The following HIPK1 variants were observed in gnomAD, a reference collection of about 807,000 sequenced individuals.
HIPK1 encodes the protein homeodomain interacting protein kinase 1, also known as homeodomain-interacting protein kinase 1.
In HIPK1, 28 loss-of-function variants were observed where a neutral mutation model predicts 117.1. The observed-to-expected ratio is 0.24, with a 90% CI of 0.18 to 0.33. HIPK1 has a LOEUF of 0.33. Ranked by LOEUF, HIPK1 falls within the 10% of genes least tolerant of loss-of-function variation. The probability of loss-of-function intolerance (pLI) is 1.00; values close to 1 mark genes in which losing one functional copy is unlikely to be tolerated. For missense variants in HIPK1, 1,122 were observed against 1,475.1 expected (o/e 0.76, Z 3.92); for synonymous variants, 605 against 562.5 (o/e 1.08, Z -1.07).
chr1:113,934,200 A>T (rs1271231547), intron 1 of HIPK1, among the ~76,000 whole-genome samples: 2 of 152,230 alleles, frequency 1.3e-5, no homozygotes, highest in East Asian at 3.8e-4. Flanking sequence ...GGCAAAGATA[A>T]CATTGAGCAA....
chr1:113,939,814 TG>T (rs1321317637), intron 1 of HIPK1, among the ~76,000 whole-genome samples: 1 of 152,072 alleles, frequency 6.6e-6, no homozygotes, highest in Non-Finnish European at 1.5e-5. Flanking sequence ...GTTTAATCTG[TG>T]GGCTTATTGA....
In HIPK1 at chr1:113,972,225, C is replaced by T. The variant is rs571772158; in HGVS notation, c.3144+271C>T. Among the ~76,000 whole-genome samples, 12 of 152,274 alleles carry T rather than the reference C, an allele frequency of 7.9e-5. No individual in the cohort carries two copies. In the South Asian group the frequency reaches 2.5e-3, roughly 32 times the overall value. On this transcript the variant is annotated intron_variant, in intron 15 of 15. Transcript: ENST00000426820. ...GAAACGTCTGGGATTTAGAAAGAGCCTGGGGTGCTTTAACCATGTCTGTGA... is the reference window on the plus strand; with the variant it reads ...GAAACGTCTGGGATTTAGAAAGAGCTTGGGGTGCTTTAACCATGTCTGTGA...
intron 7 of HIPK1, among the ~76,000 whole-genome samples, chr1:113,957,738 G>T (rs1008349136): frequency 1.3e-5 from 2 of 152,116 alleles, no homozygotes. Context: ...CAGTTTCTTG[G>T]CTGGGTCTAC....
intron 15 of HIPK1, among the ~76,000 whole-genome samples, chr1:113,972,415 C>T (rs1672898522): frequency 6.6e-6 from 1 of 152,134 alleles, no homozygotes; most frequent in Non-Finnish European, 1.5e-5. Flanking sequence ...TGGGACTTCC[C>T]CACTCTCCGA....
At position 113,958,220 on chromosome 1, in the gene HIPK1, G is replaced by C; in HGVS notation, c.1910G>C (p.Gly637Ala). The C allele has an allele frequency of 6.2e-7, 1 of 1,614,044 alleles. No homozygotes were observed. Among genetic ancestry groups the C allele is most frequent in the South Asian group, 1.1e-5 (1 of 91,078 alleles). Residue 637 changes from glycine to alanine, a missense_variant, in exon 8 of 16, where the codon GGA becomes GCA. Gly to Ala is a moderately conservative substitution (Grantham distance 60). This residue lies in a region of HIPK1 where 731 missense variants were observed against 860.4 expected (regional missense o/e 0.85). Transcript: ENST00000426820. ...VAQQGVSLQPGTTQICTQTDP... is the reference protein window; with the variant it reads ...VAQQGVSLQPATTQICTQTDP... ...CAGCAGGGTGTTTCCTTGCAGCCTG[G>C]AACCACCCAGATTTGCACTCAGACA... is the stretch of plus-strand genomic sequence containing the variant.
At chr1:113,961,531 G>C (rs1395348126) in intron 8 of HIPK1, among the ~76,000 whole-genome samples, 1 of 152,182 alleles carries the variant, frequency 6.6e-6, no homozygotes, top group East Asian at 1.9e-4. Flanking sequence ...AGGTAACTTA[G>C]ATTATAAATT....
At chr1:113,929,964 T>A in intron 1 of HIPK1, 1 of 983,192 alleles carries the variant, frequency 1.0e-6, no homozygotes, top group Non-Finnish European at 1.2e-6. Context: ...GCAGGAGGGG[T>A]CCTCGGCGGG....
intron 9 of HIPK1, among the ~76,000 whole-genome samples, chr1:113,963,159 G>C (rs921495889): frequency 1.3e-5 from 2 of 152,156 alleles, no homozygotes; most frequent in Admixed American, 6.5e-5. Context: ...CCTGAATCTA[G>C]CCCAAGGAGG....
chr1:113,963,760 G>A (rs752445142), intron 10 of HIPK1, among the ~76,000 whole-genome samples: 2 of 152,036 alleles, frequency 1.3e-5, no homozygotes, highest in African/African-American at 4.8e-5. Context: ...CTGACTGATG[G>A]TTATGTGGCT....
chr1:113,955,788 C>T, intron 5 of HIPK1, 139 bp downstream of exon 5: 1 of 532,100 alleles, frequency 1.9e-6, no homozygotes, highest in Non-Finnish European at 3.4e-6. Flanking sequence ...AATATTCCAC[C>T]ATGTAGTAAA....
intron 10 of HIPK1, among the ~76,000 whole-genome samples, chr1:113,965,707 T>A (rs948220000): frequency 6.6e-6 from 1 of 152,198 alleles, no homozygotes; most frequent in South Asian, 2.1e-4. Flanking sequence ...ATCTGATACC[T>A]TATCTGATTG....
rs1673091051 is a variant in HIPK1 at position 113,975,404 on chromosome 1, C to G, written c.*1892C>G. 6.5e-6 allele frequency: 1 copy of G among 152,792 alleles called. No homozygotes were observed. Among genetic ancestry groups the G allele is most frequent in the Admixed American group, 6.5e-5 (1 of 15,286 alleles). 9.5% of individuals were successfully genotyped at this position (152,792 alleles called of 1,614,324 possible). A position where few individuals can be genotyped will look rare whatever the true frequency, so the allele number is the denominator to read the frequency against. ...AGAAGCATTTTCCCCATGTGGCTCT[C>G]TCACTGTGCGTTGCTACCTTGCTTC... On this transcript the variant is annotated 3_prime_UTR_variant, in exon 16 of 16. Transcript: ENST00000426820.
rs191621469 is a variant in HIPK1, at chr1:113,936,807, T to C, written c.-2-3575T>C. On this transcript the variant is annotated intron_variant, in intron 1 of 15. Coordinates refer to ENST00000426820, the MANE Select transcript of HIPK1 (RefSeq NM_198268.3). ...GACCCCCCTATTCCTAGACAGTTGCTACAAACTGCAAATTTTCTATTTAGA... is the reference window on the plus strand; with the variant it reads ...GACCCCCCTATTCCTAGACAGTTGCCACAAACTGCAAATTTTCTATTTAGA... 5.7e-3 allele frequency among the ~76,000 whole-genome samples: 865 copies of C among 152,352 alleles called. 5 individuals carry two copies. Among genetic ancestry groups the C allele is most frequent in the Middle Eastern group, 0.027 (8 of 294 alleles).
rs114365857 is a variant in HIPK1 at position 113,971,565 on chromosome 1, C to T, written c.3014-259C>T. Reference sequence around the variant, plus strand: ...GTCTTAGCATATTTGTATTTCCAGTCGTTCCTTGTATATAACAAGAGATTA... The same window carrying T: ...GTCTTAGCATATTTGTATTTCCAGTTGTTCCTTGTATATAACAAGAGATTA... On this transcript the variant is annotated intron_variant, in intron 14 of 15. Coordinates refer to ENST00000426820, the MANE Select transcript of HIPK1 (RefSeq NM_198268.3). Among the ~76,000 whole-genome samples, 1,298 of 152,188 alleles carry T rather than the reference C, an allele frequency of 8.5e-3. 19 individuals are homozygous for T. The highest frequency in any genetic ancestry group is 0.029 in the African/African-American group (1,210 of 41,496).
rs1673194118 is a variant in HIPK1, at chr1:113,977,432, T to C, written c.*3920T>C. On this transcript the variant is annotated 3_prime_UTR_variant, in exon 16 of 16. Coordinates refer to ENST00000426820, the MANE Select transcript of HIPK1 (RefSeq NM_198268.3). ...TATTGCAATGGAATTCCTACTTTAT[T>C]AAATGTATTTGATATGCTAGTTATT... 6.5e-6 allele frequency: 1 copy of C among 152,796 alleles called. No individual in the cohort carries two copies. 9.5% of individuals were successfully genotyped at this position (152,796 alleles called of 1,614,324 possible).
At position 113,932,733 on chromosome 1, in the gene HIPK1, C is replaced by T. The variant is rs528225492; in HGVS notation, c.-3+3201C>T. On this transcript the variant is annotated intron_variant, in intron 1 of 15. Transcript: ENST00000426820. Reference sequence around the variant, plus strand: ...GGGGGTTTTAGAATCTTTAAGGTCCCTTTTATCTGTAAGAGTTCCAGTACT... The same window carrying T: ...GGGGGTTTTAGAATCTTTAAGGTCCTTTTTATCTGTAAGAGTTCCAGTACT... 4.6e-5 allele frequency among the ~76,000 whole-genome samples: 7 copies of T among 152,206 alleles called. No homozygotes were observed. The South Asian group carries it at 6.2e-4, about 14-fold the overall frequency.
At chr1:113,972,674 T>G (rs141580724) in intron 15 of HIPK1, among the ~76,000 whole-genome samples, 106 of 152,274 alleles carry the variant, frequency 7.0e-4, no homozygotes, top group African/African-American at 2.4e-3. Flanking sequence ...AAAGCAATGG[T>G]AAGAAATAAA....
At position 113,954,603 on chromosome 1, in the gene HIPK1, AT is replaced by A. The variant is rs1286042155; in HGVS notation, c.1201-45del. ...TGTTTTAGTGTAAAAGCCTTTAATAATTTCCCTTTTCACTCCAAATAGTTGT... is the reference window on the plus strand; with the variant it reads ...TGTTTTAGTGTAAAAGCCTTTAATAATTCCCTTTTCACTCCAAATAGTTGT... On this transcript the variant is annotated intron_variant, in intron 3 of 15. Coordinates refer to ENST00000426820, the MANE Select transcript of HIPK1 (RefSeq NM_198268.3). The A allele has an allele frequency of 1.9e-6, 3 of 1,602,416 alleles. No individual in the cohort carries two copies. The South Asian group carries it at 3.3e-5, about 18-fold the overall frequency.
intron 13 of HIPK1, among the ~76,000 whole-genome samples, chr1:113,969,311 T>G (rs1331759502): frequency 6.6e-6 from 1 of 152,186 alleles, no homozygotes; most frequent in African/African-American, 2.4e-5. Context: ...AGGTGTGGAC[T>G]CTGAAGTCAT....
Sources: gnomAD v4.1 joint callset for allele counts (sites outside exome capture counted in the v4.1 genomes callset) on GRCh38, gnomAD v4.1.1 for gene constraint, gnomAD v4.1.1 regional missense constraint, MANE v1.5 for transcripts, NCBI Gene and HGNC (gene_info 2026-07-23, HGNC 2026-07-21) for gene names.